IGF1R: variants seen among roughly 807,000 people sequenced by gnomAD.
IGF1R encodes insulin like growth factor 1 receptor, also known as insulin-like growth factor 1 receptor.
IGF1R carries 44 observed loss-of-function variants against 144.6 expected under a neutral mutation model. The observed-to-expected ratio is 0.30, with a 90% CI of 0.24 to 0.39. IGF1R has a LOEUF of 0.39. IGF1R is among the 10% of genes least tolerant of loss of function. The pLI is 1.00. For synonymous variants in IGF1R, 795 were observed against 722.8 expected, an observed-to-expected ratio of 1.10 and a Z score of -1.60; for missense variants, 1,355 against 1,833.7, an observed-to-expected ratio of 0.74 and a Z score of 4.77.
At chr15:98,841,087 G>T (rs558134487) in intron 2 of IGF1R, among the ~76,000 whole-genome samples, 2 of 152,252 alleles carry the variant, frequency 1.3e-5, no homozygotes, top group East Asian at 1.9e-4. Context: ...AAGTGTGTGT[G>T]TATGTGTTGA....
chr15:98,662,837 C>T (rs2141180024), intron 1 of IGF1R, among the ~76,000 whole-genome samples: 1 of 152,194 alleles, frequency 6.6e-6, no homozygotes, highest in East Asian at 1.9e-4. Flanking sequence ...GTGTGGGTGG[C>T]AGTGTGCACT....
At chr15:98,923,824 C>G in intron 11 of IGF1R, 52 bp from the exon 12 acceptor site, 1 of 1,526,250 alleles carries the variant, frequency 6.6e-7, no homozygotes, top group Non-Finnish European at 9.1e-7. Flanking sequence ...CAGTGTTGGC[C>G]TCCCTCCCTG....
intron 2 of IGF1R, among the ~76,000 whole-genome samples, chr15:98,748,637 TAGGATCTA>T (rs1203359531): frequency 4.6e-5 from 7 of 152,236 alleles, no homozygotes; most frequent in African/African-American, 1.7e-4. Context: ...TAGAAAACTG[TAGGATCTA>T]AAACAAATCG....
intron 13 of IGF1R, among the ~76,000 whole-genome samples, chr15:98,924,995 C>CTT (rs5814912): frequency 3.4e-5 from 5 of 148,566 alleles, no homozygotes; most frequent in East Asian, 4.0e-4. Context: ...CATTCAAAGA[C>CTT]TTTTTTTTTT....
chr15:98,677,527 CAG>C (rs1352732927), intron 1 of IGF1R, among the ~76,000 whole-genome samples: 14 of 152,288 alleles, frequency 9.2e-5, no homozygotes, highest in South Asian at 2.1e-4. Flanking sequence ...AGTAGGCCGA[CAG>C]GGGCTGACTT....
intron 2 of IGF1R, among the ~76,000 whole-genome samples, chr15:98,875,578 C>G (rs1344042216): frequency 1.3e-5 from 2 of 151,284 alleles, no homozygotes; most frequent in African/African-American, 4.9e-5. Context: ...CTTTAGTGTT[C>G]AGACCAAGGA....
intron 2 of IGF1R, among the ~76,000 whole-genome samples, chr15:98,798,320 G>A (rs888871355): frequency 4.6e-5 from 7 of 152,130 alleles, no homozygotes; most frequent in African/African-American, 7.2e-5. Context: ...AGGGAAAGGC[G>A]AGGAGCTTGG....
Position 98,780,270 on chromosome 15 carries a change from G to A in IGF1R, c.640+72163G>A, listed in dbSNP as rs1402999399. Among the ~76,000 whole-genome samples the A allele has an allele frequency of 2.0e-5, 3 of 152,040 alleles. No homozygotes were observed. In the East Asian group the frequency reaches 5.8e-4, roughly 29 times the overall value. ...ATAGTTGTTTAAATTAACAGAGTAG[G>A]CCGGGTGTGGTGGCTCACATCTGTA... On this transcript the variant is annotated intron_variant, in intron 2 of 20. Coordinates refer to ENST00000650285, the MANE Select transcript of IGF1R (RefSeq NM_000875.5).
At chr15:98,834,476 C>T (rs2141511610) in intron 2 of IGF1R, among the ~76,000 whole-genome samples, 1 of 152,358 alleles carries the variant, frequency 6.6e-6, no homozygotes, top group South Asian at 2.1e-4. Flanking sequence ...TGCCTTCACA[C>T]TTACTTCTGT....
chr15:98,948,727 C>T lies in IGF1R; in HGVS notation c.3722+19C>T, dbSNP rs779140677. ...ACATGCTGTACGTACTTCCTGGGCC[C>T]TCCGTGCTCTTCTGAGTTCTCTTCT... is the stretch of plus-strand genomic sequence containing the variant. On this transcript the variant is annotated intron_variant, in intron 20 of 20. Transcript: ENST00000650285. The T allele has an allele frequency of 7.9e-5, 127 of 1,613,544 alleles. No homozygotes were observed. The highest frequency in any genetic ancestry group is 1.0e-4 in the Non-Finnish European group (122 of 1,179,738).
chr15:98,663,855 G>A (rs2052660288), intron 1 of IGF1R, among the ~76,000 whole-genome samples: 1 of 152,210 alleles, frequency 6.6e-6, no homozygotes, highest in African/African-American at 2.4e-5. Context: ...TTAAAGAGGG[G>A]TGCCAGCTTC....
chr15:98,842,757 A>C (rs1484763809), intron 2 of IGF1R, among the ~76,000 whole-genome samples: 1 of 152,216 alleles, frequency 6.6e-6, no homozygotes, highest in Non-Finnish European at 1.5e-5. Context: ...AACTCTTAGG[A>C]TGCAACTTGT....
intron 2 of IGF1R, among the ~76,000 whole-genome samples, chr15:98,850,742 T>TG (rs1416592332): frequency 6.7e-6 from 1 of 150,064 alleles, no homozygotes; most frequent in African/African-American, 2.5e-5. Context: ...GCTTGGCACT[T>TG]GGTGGGGGGG....
intron 2 of IGF1R, among the ~76,000 whole-genome samples, chr15:98,818,629 A>T (rs2056744255): frequency 6.6e-6 from 1 of 152,012 alleles, no homozygotes. Flanking sequence ...GTTTCTCAGC[A>T]TTGGCACTGT....
At chr15:98,729,674 G>A (rs1056944000) in intron 2 of IGF1R, among the ~76,000 whole-genome samples, 4 of 151,968 alleles carry the variant, frequency 2.6e-5, no homozygotes, top group Non-Finnish European at 4.4e-5. Flanking sequence ...GTATCTGGGG[G>A]CCTCCCTGCC....
intron 1 of IGF1R, among the ~76,000 whole-genome samples, chr15:98,699,575 C>T (rs772652724): frequency 3.3e-5 from 5 of 152,158 alleles, no homozygotes; most frequent in African/African-American, 4.8e-5. Flanking sequence ...ACCAATTCTG[C>T]GCCAGTCTGT....
chr15:98,701,574 C>T (rs947253819), intron 1 of IGF1R, among the ~76,000 whole-genome samples: 4 of 151,962 alleles, frequency 2.6e-5, no homozygotes, highest in African/African-American at 9.7e-5. Flanking sequence ...TCTTCTGACC[C>T]GTGATCCTAC....
chr15:98,727,919 C>T (rs1389535691), intron 2 of IGF1R, among the ~76,000 whole-genome samples: 2 of 151,756 alleles, frequency 1.3e-5, no homozygotes, highest in East Asian at 3.9e-4. Context: ...TCTGGCCTGC[C>T]GACTCAAAGT....
intron 2 of IGF1R, among the ~76,000 whole-genome samples, chr15:98,844,992 A>C (rs1050567175): frequency 5.3e-5 from 8 of 152,192 alleles, no homozygotes; most frequent in Admixed American, 3.3e-4. Flanking sequence ...GTTCAAAGAC[A>C]TCATCAGGCA....
Sources: allele counts gnomAD v4.1 joint callset (sites outside exome capture counted in the v4.1 genomes callset), GRCh38; gene constraint gnomAD v4.1.1; transcripts MANE v1.5; gene names NCBI Gene and HGNC (gene_info 2026-07-23, HGNC 2026-07-21).